ZNF577: variants seen among roughly 807,000 people sequenced by gnomAD.
ZNF577 encodes the protein zinc finger protein 577.
A neutral mutation model predicts 13.9 loss-of-function variants in ZNF577; 14 were observed. That is an observed-to-expected ratio of 1.00 (90% CI 0.66 to 1.57). The LOEUF is 1.57. ZNF577 is among the 40% of genes most tolerant of loss of function. ZNF577 has a pLI of 0.00. For missense variants in ZNF577, 555 were observed against 579.2 expected (o/e 0.96, Z 0.43); for synonymous variants, 203 against 202.9 (o/e 1.00, Z 0.00).
chr19:51,805,798 T>G (rs1280363261), intron 10 of ZNF577, among the ~76,000 whole-genome samples: 1 of 152,164 alleles, frequency 6.6e-6, no homozygotes, highest in African/African-American at 2.4e-5. Context: ...AAGGAAACGA[T>G]AGCAAAAATT....
At chr19:51,873,728 T>A in intron 5 of ZNF577, 22 bp from the exon 6 acceptor site, 1 of 1,557,990 alleles carries the variant, frequency 6.4e-7, no homozygotes, top group South Asian at 1.2e-5. Context: ...TTCAAACTTT[T>A]ACAATGCGAG....
intron 5 of ZNF577, among the ~76,000 whole-genome samples, chr19:51,876,648 C>T (rs1186126535): frequency 6.6e-6 from 1 of 152,072 alleles, no homozygotes; most frequent in Admixed American, 6.6e-5. Flanking sequence ...TGCAATCCAG[C>T]CAGGCGCAGT....
intron 5 of ZNF577, among the ~76,000 whole-genome samples, chr19:51,846,034 GAC>G: frequency 6.7e-6 from 1 of 150,024 alleles, no homozygotes; most frequent in South Asian, 2.1e-4. Flanking sequence ...TTTTTTTTGA[GAC>G]AGAGTCTTGC....
intron 9 of ZNF577, among the ~76,000 whole-genome samples, chr19:51,814,641 G>A (rs1451725301): frequency 6.6e-6 from 1 of 151,740 alleles, no homozygotes; most frequent in Non-Finnish European, 1.5e-5. Flanking sequence ...CTACAGGCAT[G>A]TGCCATTCTG....
intron 10 of ZNF577, among the ~76,000 whole-genome samples, chr19:51,807,224 G>T (rs2084065741): frequency 6.6e-6 from 1 of 150,972 alleles, no homozygotes; most frequent in Non-Finnish European, 1.5e-5. Context: ...AGTGGGGGGG[G>T]TGGTTGCTGG....
intron 9 of ZNF577, among the ~76,000 whole-genome samples, chr19:51,812,823 AAAC>A (rs1234598032): frequency 6.6e-6 from 1 of 152,176 alleles, no homozygotes; most frequent in Non-Finnish European, 1.5e-5. Flanking sequence ...GATAATTTGT[AAAC>A]AACATAAATT....
At chr19:51,843,121 A>T (rs1025398803) in intron 7 of ZNF577, 1 of 152,246 alleles carries the variant, frequency 6.6e-6, no homozygotes, top group African/African-American at 2.4e-5. Flanking sequence ...AGTACCCACA[A>T]ATTGTGGCAA....
chr19:51,883,736 A>T (rs1189179859), intron 1 of ZNF577, among the ~76,000 whole-genome samples: 1 of 152,192 alleles, frequency 6.6e-6, no homozygotes, highest in Non-Finnish European at 1.5e-5. Flanking sequence ...GACAATGATG[A>T]GATGATCAGA....
chr19:51,835,039 C>T (rs2084281277), intron 9 of ZNF577, among the ~76,000 whole-genome samples: 1 of 151,596 alleles, frequency 6.6e-6, no homozygotes, highest in South Asian at 2.1e-4. Context: ...AGAAAAATAT[C>T]AAATTAAATC....
At chr19:51,865,349 G>C (rs551526105), downstream of ZNF577, among the ~76,000 whole-genome samples, 3 of 151,930 alleles carry the variant, frequency 2.0e-5, no homozygotes, top group Non-Finnish European at 4.4e-5. Context: ...CACCCACCTC[G>C]GCCTCCCAAA....
intron 8 of ZNF577, chr19:51,842,806 A>G (rs2084328304): frequency 6.6e-6 from 1 of 152,186 alleles, no homozygotes; most frequent in Non-Finnish European, 1.5e-5. Context: ...CTCCCATCGC[A>G]TTGGTTTCAC....
rs1241503022 is a variant in ZNF577, at chr19:51,873,470, TAAGCTGTGCTTTCCTGG to T, written c.503_519del (p.Ser168TyrfsTer7). On this transcript the variant is annotated frameshift_variant, in exon 6 of 6. Transcript: ENST00000638348. LOFTEE classifies it low-confidence loss of function (END_TRUNC). ...CCTCTTTCAGTTCTCTGATGTTGAA[TAAGCTGTGCTTTCCTGG>T]AGAAGGCTCTCCCGCACACACTGCA... 1 of 1,614,112 alleles carries T rather than the reference TAAGCTGTGCTTTCCTGG, an allele frequency of 6.2e-7. No individual in the cohort carries two copies. Among genetic ancestry groups the T allele is most frequent in the East Asian group, 2.2e-5 (1 of 44,896 alleles).
At position 51,872,395 on chromosome 19, in the gene ZNF577, A is replaced by C. The variant is rs2084672708; in HGVS notation, c.*137T>G. ...ACCCAACATGATTTCAATGGTGTTTAACAGGTTTGACTTCTCACAGAAATG... is the reference window on the plus strand; with the variant it reads ...ACCCAACATGATTTCAATGGTGTTTCACAGGTTTGACTTCTCACAGAAATG... On this transcript the variant is annotated 3_prime_UTR_variant, in exon 6 of 6. Coordinates refer to ENST00000638348, the MANE Select transcript of ZNF577 (RefSeq NM_001370449.1). 1 of 683,794 alleles carries C rather than the reference A, an allele frequency of 1.5e-6. No individual in the cohort carries two copies. The highest frequency in any genetic ancestry group is 2.1e-5 in the South Asian group (1 of 47,714). 42.4% of individuals were successfully genotyped at this position (683,794 alleles called of 1,614,324 possible). A position where few individuals can be genotyped will look rare whatever the true frequency, so the allele number is the denominator to read the frequency against.
In ZNF577 at chr19:51,881,885, C is replaced by T. The variant is rs138760557; in HGVS notation, c.-218-1008G>A. ...CTAGAAACTCACACTCTGAGAACAC[C>T]CACACTGTGAGAACAACTTGAATTT... On this transcript the variant is annotated intron_variant, in intron 1 of 5. Transcript: ENST00000638348. Among the ~76,000 whole-genome samples the T allele has an allele frequency of 3.8e-3, 580 of 152,260 alleles. 3 individuals carry two copies. Among genetic ancestry groups the T allele is most frequent in the Non-Finnish European group, 5.0e-3 (342 of 68,022 alleles).
In ZNF577 at chr19:51,873,412, T is replaced by C. The variant is rs2084698996; in HGVS notation, c.578A>G (p.Lys193Arg). Residue 193 changes from lysine to arginine, a missense_variant, in exon 6 of 6, where the codon AAA (lysine) becomes AGA (arginine). By Grantham distance (26) the Lys-to-Arg change is conservative (BLOSUM62 2). Coordinates refer to ENST00000638348, the MANE Select transcript of ZNF577 (RefSeq NM_001370449.1). ...GAGCTGAATCTTCCTCATGAATGTT[T>C]TCCCACATTCACCACATCCATGGGG... Reference protein sequence around the residue: ...EKPHGCGECGKTFMRKIQLTE... With the variant: ...EKPHGCGECGRTFMRKIQLTE... 6.2e-7 allele frequency: 1 copy of C among 1,614,218 alleles called. No homozygotes were observed. The highest frequency in any genetic ancestry group is 8.5e-7 in the Non-Finnish European group (1 of 1,180,040).
At chr19:51,873,892 C>G (rs572464716) in intron 5 of ZNF577, among the ~76,000 whole-genome samples, 186 bp from the exon 6 acceptor site, 2 of 152,248 alleles carry the variant, frequency 1.3e-5, no homozygotes, top group South Asian at 4.1e-4. Flanking sequence ...CCAAATTTCT[C>G]CTAGGAAAAA....
intron 1 of ZNF577, among the ~76,000 whole-genome samples, chr19:51,882,450 T>C (rs1352673400): frequency 6.6e-6 from 1 of 150,690 alleles, no homozygotes; most frequent in Non-Finnish European, 1.5e-5. Context: ...GGGGGCTTGG[T>C]TGTCAGATTG....
intron 10 of ZNF577, among the ~76,000 whole-genome samples, chr19:51,807,075 G>T (rs963591453): frequency 6.6e-6 from 1 of 152,216 alleles, no homozygotes; most frequent in East Asian, 1.9e-4. Context: ...TGAACAAAGG[G>T]GACGAGCGTG....
chr19:51,860,973 A>G, intron 5 of ZNF577: 1 of 432,480 alleles, frequency 2.3e-6, no homozygotes, highest in Admixed American at 2.7e-5. Context: ...CTCCTGAATG[A>G]ATACCCTAAT....
Sources: gnomAD v4.1 joint callset for allele counts (sites outside exome capture counted in the v4.1 genomes callset) on GRCh38, gnomAD v4.1.1 for gene constraint, MANE v1.5 for transcripts, NCBI Gene and HGNC (gene_info 2026-07-23, HGNC 2026-07-21) for gene names.